The following MAGI2 variants were observed in gnomAD, a reference collection of about 807,000 sequenced individuals.
MAGI2 encodes the protein membrane associated guanylate kinase, WW and PDZ domain containing 2, also known as membrane-associated guanylate kinase, WW and PDZ domain-containing protein 2.
MAGI2 carries 35 observed loss-of-function variants against 133.3 expected under a neutral mutation model. The ratio of observed to expected loss-of-function variants is 0.26; its 90% confidence interval spans 0.20 to 0.35. MAGI2 has a LOEUF of 0.35. Among genes scored for constraint, MAGI2 ranks in the 10% least tolerant of loss-of-function variants. MAGI2 has a pLI of 1.00. For synonymous variants in MAGI2, 729 were observed against 710.6 expected (o/e 1.03, Z -0.41); for missense variants, 1,636 against 1,863.4 (o/e 0.88, Z 2.25).
chr7:79,443,417 C>T (rs537586177), intron 1 of MAGI2, among the ~76,000 whole-genome samples: 1 of 151,440 alleles, frequency 6.6e-6, no homozygotes, highest in Non-Finnish European at 1.5e-5. Flanking sequence ...CTTAAAAAAA[C>T]AAAACAAAAC....
rs898345834 is a variant in MAGI2 at position 78,356,333 on chromosome 7, C to T, written c.1104-10290G>A. Among the ~76,000 whole-genome samples, 3 of 152,080 alleles carry T rather than the reference C, an allele frequency of 2.0e-5. No homozygotes were observed. The East Asian group carries it at 5.8e-4, about 29-fold the overall frequency. On this transcript the variant is annotated intron_variant, in intron 7 of 21. Transcript: ENST00000354212. ...TTCAGTTCTTCTGAGGGCCAGTGAT[C>T]TAAGAAGAAATGGAGGGAGTTGTTA...
chr7:78,886,574 C>T (rs1231420263), intron 2 of MAGI2, among the ~76,000 whole-genome samples: 1 of 152,142 alleles, frequency 6.6e-6, no homozygotes, highest in Non-Finnish European at 1.5e-5. Flanking sequence ...CTTTACCTAT[C>T]TAAATAAGAG....
chr7:78,364,919 C>A (rs566393375), intron 7 of MAGI2, among the ~76,000 whole-genome samples: 1 of 152,186 alleles, frequency 6.6e-6, no homozygotes, highest in Non-Finnish European at 1.5e-5. Context: ...TGCACCATCA[C>A]GGATTTGGTG....
At chr7:78,822,671 TA>T (rs2151428480) in intron 2 of MAGI2, among the ~76,000 whole-genome samples, 1 of 152,292 alleles carries the variant, frequency 6.6e-6, no homozygotes, top group Admixed American at 6.5e-5. Flanking sequence ...AGGGTAGGTA[TA>T]TACTACTAAA....
At chr7:78,465,860 G>C (rs1269019315) in intron 6 of MAGI2, among the ~76,000 whole-genome samples, 1 of 152,128 alleles carries the variant, frequency 6.6e-6, no homozygotes, top group Non-Finnish European at 1.5e-5. Context: ...CTCCTGAGTA[G>C]ACTATTGCCA....
At chr7:78,360,131 A>C (rs1541483) in intron 7 of MAGI2, among the ~76,000 whole-genome samples, 48,780 of 152,070 alleles carry the variant, frequency 0.32, 8,286 homozygotes, top group East Asian at 0.57. Context: ...AGGATGCCCA[A>C]AGAATAATAT....
At chr7:78,517,636 T>G (rs1216904402) in intron 4 of MAGI2, among the ~76,000 whole-genome samples, 2 of 152,306 alleles carry the variant, frequency 1.3e-5, no homozygotes, top group South Asian at 4.1e-4. Flanking sequence ...TTCATGTTTC[T>G]CATTTTTTAT....
At chr7:78,118,489 T>A (rs1185454130) in intron 20 of MAGI2, among the ~76,000 whole-genome samples, 1 of 152,092 alleles carries the variant, frequency 6.6e-6, no homozygotes, top group Non-Finnish European at 1.5e-5. Flanking sequence ...TACAAAGAAC[T>A]CTTAAAACTC....
At chr7:78,227,850 T>TTGTGTGTGTGTG (rs3085614) in intron 10 of MAGI2, among the ~76,000 whole-genome samples, 5,858 of 145,560 alleles carry the variant, frequency 0.04, 145 homozygotes, top group Non-Finnish European at 0.056. Flanking sequence ...TCTTACTCAG[T>TTGTGTGTGTGTG]TGTGTGTGTG....
intron 9 of MAGI2, among the ~76,000 whole-genome samples, chr7:78,277,937 T>C (rs1456469678): frequency 6.6e-6 from 1 of 151,512 alleles, no homozygotes; most frequent in Non-Finnish European, 1.5e-5. Flanking sequence ...GGAGGAGGAA[T>C]TGGGAAAGAG....
intron 1 of MAGI2, among the ~76,000 whole-genome samples, chr7:79,437,421 T>C (rs963692605): frequency 2.6e-5 from 4 of 152,220 alleles, no homozygotes; most frequent in Admixed American, 2.6e-4. Flanking sequence ...GGATGGTTTT[T>C]GATACATATA....
rs375824054 is a variant in MAGI2 at position 78,135,158 on chromosome 7, C to T, written c.2894G>A (p.Arg965His). 2.5e-6 allele frequency: 4 copies of T among 1,613,998 alleles called. No homozygotes were observed. Among genetic ancestry groups the T allele is most frequent in the East Asian group, 2.2e-5 (1 of 44,894 alleles). ...GTCTCCCACTTTTAGTTTTGCACAGCGATCTGCAGGACTCCCATCAATGAT... is the reference window on the plus strand; with the variant it reads ...GTCTCCCACTTTTAGTTTTGCACAGTGATCTGCAGGACTCCCATCAATGAT... ...GRIIDGSPAD[R>H]CAKLKVGDRI... The change falls in exon 17 of 22, where the codon CGC (arginine) becomes CAC (histidine). Residue 965 changes from arginine to histidine, a missense_variant. Coordinates refer to ENST00000354212, the MANE Select transcript of MAGI2 (RefSeq NM_012301.4).
At chr7:78,242,143 T>C (rs548883907) in intron 10 of MAGI2, among the ~76,000 whole-genome samples, 28 of 152,336 alleles carry the variant, frequency 1.8e-4, no homozygotes, top group African/African-American at 6.7e-4. Context: ...CAGTGGGAAC[T>C]AGAACTGAGT....
At chr7:78,811,849 C>T (rs1789092068) in intron 2 of MAGI2, among the ~76,000 whole-genome samples, 1 of 152,144 alleles carries the variant, frequency 6.6e-6, no homozygotes, top group Non-Finnish European at 1.5e-5. Context: ...TATCTATTGC[C>T]TCACATGGCA....
At chr7:78,707,802 C>A (rs1233281002) in intron 2 of MAGI2, among the ~76,000 whole-genome samples, 2 of 152,060 alleles carry the variant, frequency 1.3e-5, no homozygotes, top group African/African-American at 4.8e-5. Flanking sequence ...TTGGCAAAAA[C>A]ATTCTCTACC....
chr7:78,405,704 C>T (rs1797311432), intron 6 of MAGI2, among the ~76,000 whole-genome samples: 1 of 152,034 alleles, frequency 6.6e-6, no homozygotes, highest in Non-Finnish European at 1.5e-5. Flanking sequence ...TCTTAATACA[C>T]TTAAAATAAT....
intron 1 of MAGI2, chr7:79,413,283 T>C (rs1384622912): frequency 6.6e-6 from 1 of 152,124 alleles, no homozygotes; most frequent in Non-Finnish European, 1.5e-5. Flanking sequence ...CCTCAGTAAT[T>C]CCTACTTCCT....
intron 16 of MAGI2, among the ~76,000 whole-genome samples, chr7:78,151,907 G>A (rs1823909845): frequency 1.3e-5 from 2 of 152,100 alleles, no homozygotes; most frequent in Admixed American, 1.3e-4. Flanking sequence ...CTGGATCACT[G>A]TATGAGAAGC....
At chr7:78,390,259 C>A (rs572738281) in intron 6 of MAGI2, among the ~76,000 whole-genome samples, 40 of 152,150 alleles carry the variant, frequency 2.6e-4, no homozygotes, top group African/African-American at 8.9e-4. Flanking sequence ...ACATACAAAT[C>A]AATAGAAAAC....
Sources: gnomAD v4.1 joint callset for allele counts (sites outside exome capture counted in the v4.1 genomes callset) on GRCh38, gnomAD v4.1.1 for gene constraint, MANE v1.5 for transcripts, NCBI Gene and HGNC (gene_info 2026-07-23, HGNC 2026-07-21) for gene names.